Variants in TTN observed in about 807,000 individuals in gnomAD.
TTN encodes the protein titin.
In TTN, 1,525 loss-of-function variants were observed where a neutral mutation model predicts 3,223.0. That is an observed-to-expected ratio of 0.47 (90% CI 0.45 to 0.49). The LOEUF is 0.49. TTN is among the 20% of genes least tolerant of loss of function. The pLI, the probability that TTN is intolerant of heterozygous loss-of-function variation, is 0.00. For missense variants in TTN, 40,786 were observed against 43,424.0 expected, an observed-to-expected ratio of 0.94 and a Z score of 5.40; for synonymous variants, 14,094 against 15,161.0, an observed-to-expected ratio of 0.93 and a Z score of 5.17.
At position 178,571,938 on chromosome 2, in the gene TTN, C is replaced by G. The variant is rs754089001; in HGVS notation, c.74194G>C (p.Asp24732His). 1 of 1,613,088 alleles carries G rather than the reference C, an allele frequency of 6.2e-7. No homozygotes were observed. Among genetic ancestry groups the G allele is most frequent in the Non-Finnish European group, 8.5e-7 (1 of 1,179,508 alleles). Residue 24732 changes from aspartate to histidine, a missense_variant, in exon 326 of 363, where the codon GAC (aspartate) becomes CAC (histidine). Physicochemically the swap from Asp to His is moderately conservative, Grantham distance 81. Transcript: ENST00000589042. ...ATGAATGGAACATCAACTTTTAGGTCTTCACCTGCCAGTACAGTGAAAGTA... is the reference window on the plus strand; with the variant it reads ...ATGAATGGAACATCAACTTTTAGGTGTTCACCTGCCAGTACAGTGAAAGTA... ...FNTFTVLAGE[D>H]LKVDVPFIGR...
chr2:178,543,957 T>C lies in TTN; in HGVS notation c.96187A>G (p.Thr32063Ala). 1 of 1,613,738 alleles carries C rather than the reference T, an allele frequency of 6.2e-7. No homozygotes were observed. Among genetic ancestry groups the C allele is most frequent in the East Asian group, 2.2e-5 (1 of 44,860 alleles). The stretch of plus-strand genomic sequence containing the variant: ...ATTAGCAATGAGTAGCTCTCAGTGG[T>C]GTCAATAATTGCCCGGCTTGCAAGG... ...IDLASRAIID[T>A]TESYSLLIVD... Residue 32063 changes from threonine (T) to alanine (A), a missense_variant, in exon 346 of 363, where the codon ACC (threonine) becomes GCC (alanine). Coordinates refer to ENST00000589042, the MANE Select transcript of TTN (RefSeq NM_001267550.2).
rs1376559145 is a variant in TTN, at chr2:178,614,067, C to T, written c.49330G>A (p.Ala16444Thr). ...AGAAACTTACCAAACTGATATTTGG[C>T]TGTTATTGGAGAGGCCTGAACTGGT... The part of the protein sequence containing the change: ...GEPVQASPIT[A>T]KYQFDPPGPP... Residue 16444 changes from alanine to threonine, a missense_variant, in exon 262 of 363, where the codon GCC (alanine) becomes ACC (threonine). Ala to Thr is a moderately conservative substitution (Grantham distance 58). Transcript: ENST00000589042. 1 of 1,611,692 alleles carries T rather than the reference C, an allele frequency of 6.2e-7. No individual in the cohort carries two copies. Among genetic ancestry groups the T allele is most frequent in the Non-Finnish European group, 8.5e-7 (1 of 1,179,054 alleles).
chr2:178,711,423 C>T (rs564802051), intron 96 of TTN, 74 bp from the exon 97 acceptor site: 73 of 1,387,790 alleles, frequency 5.3e-5, no homozygotes, highest in African/African-American at 4.5e-4. Flanking sequence ...TATATACAAA[C>T]GCACGTATAT....
In TTN at chr2:178,650,756, G is replaced by A. The variant is rs72650066; in HGVS notation, c.39704C>T (p.Pro13235Leu). The A allele has an allele frequency of 1.5e-5, 24 of 1,602,476 alleles. No individual in the cohort carries two copies. In the East Asian group the frequency reaches 3.4e-4, roughly 23 times the overall value. ...PVPERAESPP[P>L]EVYEEPEEIA... ...ATCACCGGTCTCACGTGTACCTTCT[G>A]GGGGAGGAGACTCCGCTCTTTCTGG... Residue 13235 changes from proline to leucine, a missense_variant, in exon 209 of 363, where the codon CCA (proline) becomes CTA (leucine). Transcript: ENST00000589042.
At position 178,557,764 on chromosome 2, in the gene TTN, A is replaced by C; in HGVS notation, c.87590T>G (p.Met29197Arg). Reference protein sequence around the residue: ...EVSATVARTMMKVMKLTTGEE... With the variant: ...EVSATVARTMRKVMKLTTGEE... ...TCCTGTGGTCAGTTTCATGACTTTC[A>C]TCATGGTTCTTGCAACTGTTGCAGA... is the stretch of plus-strand genomic sequence containing the variant. Residue 29197 changes from methionine to arginine, a missense_variant, in exon 328 of 363, where the codon ATG becomes AGG. Transcript: ENST00000589042. The C allele has an allele frequency of 6.2e-7, 1 of 1,613,858 alleles. No individual in the cohort carries two copies. The highest frequency in any genetic ancestry group is 8.5e-7 in the Non-Finnish European group (1 of 1,179,834).
At chr2:178,800,037 G>T in intron 4 of TTN, 127 bp from the exon 5 acceptor site, 1 of 1,067,002 alleles carries the variant, frequency 9.4e-7, no homozygotes, top group Non-Finnish European at 1.4e-6. Flanking sequence ...ATTGCAGAAA[G>T]TTTTGGATTT....
chr2:178,546,197 A>G lies in TTN; in HGVS notation c.95119+15T>C, dbSNP rs1697038546. 3 of 1,600,304 alleles carry G rather than the reference A, an allele frequency of 1.9e-6. No individual in the cohort carries two copies. Among genetic ancestry groups the G allele is most frequent in the Non-Finnish European group, 2.6e-6 (3 of 1,172,104 alleles). On this transcript the variant is annotated intron_variant, in intron 342 of 362. Transcript: ENST00000589042. ...GAAAATGCTATATAAATGTGAGAAC[A>G]TTTGACATGCTTACCAAGCACTTTG...
chr2:178,715,185 C>CT lies in TTN; in HGVS notation c.26000dup (p.Thr8669HisfsTer10). 1 of 1,613,700 alleles carries CT rather than the reference C, an allele frequency of 6.2e-7. No homozygotes were observed. Among genetic ancestry groups the CT allele is most frequent in the South Asian group, 1.1e-5 (1 of 91,062 alleles). On this transcript the variant is annotated frameshift_variant, in exon 90 of 363. Coordinates refer to ENST00000589042, the MANE Select transcript of TTN (RefSeq NM_001267550.2). LOFTEE classifies it high-confidence loss of function. ...AAGAAACGTGAAATGGGGGAGTGCC[C>CT]TGAAGCTCACATTCAAGGTGAACAT... is the stretch of plus-strand genomic sequence containing the variant.
Position 178,665,419 on chromosome 2 carries a change from A to G in TTN, c.36001T>C (p.Phe12001Leu), listed in dbSNP as rs906509905. 6.2e-7 allele frequency: 1 copy of G among 1,612,444 alleles called. No individual in the cohort carries two copies. Among genetic ancestry groups the G allele is most frequent in the East Asian group, 2.2e-5 (1 of 44,844 alleles). The change falls in exon 165 of 363, where the codon TTT becomes CTT. Residue 12001 changes from phenylalanine to leucine, a missense_variant. Transcript: ENST00000589042. ...MKEVVPEMKI[F>L]EDVPEEPETP... Reference sequence around the variant, plus strand: ...TCTGGCTCTTCAGGTACATCCTCAAATATTTTCATTTCAGGGACAACTTCT... The same window carrying G: ...TCTGGCTCTTCAGGTACATCCTCAAGTATTTTCATTTCAGGGACAACTTCT...
At chr2:178,641,131 A>C in intron 220 of TTN, 110 bp downstream of exon 220, 1 of 715,798 alleles carries the variant, frequency 1.4e-6, no homozygotes. Flanking sequence ...CACAGATGAA[A>C]TATGAAGCCA....
Position 178,540,335 on chromosome 2 carries a change from C to G in TTN, c.97831G>C (p.Asp32611His). ...AGGGAGACTGATGTCCTTGTTGTAT[C>G]AGTAACTCTTGGGTTTTGTGGCTTT... ...PGKPQNPRVTDTTRTSVSLAW... is the reference protein window; with the variant it reads ...PGKPQNPRVTHTTRTSVSLAW... The change falls in exon 351 of 363, where the codon GAT becomes CAT. Residue 32611 changes from aspartate (D) to histidine (H), a missense_variant. By Grantham distance (81) the Asp-to-His change is moderately conservative. Coordinates refer to ENST00000589042, the MANE Select transcript of TTN (RefSeq NM_001267550.2). The G allele has an allele frequency of 1.2e-6, 2 of 1,613,536 alleles. No individual in the cohort carries two copies. The highest frequency in any genetic ancestry group is 4.5e-5 in the East Asian group (2 of 44,870).
rs910116004 is a variant in TTN, at chr2:178,567,884, T to C, written c.78248A>G (p.Tyr26083Cys). The C allele has an allele frequency of 3.7e-6, 6 of 1,613,460 alleles. No individual in the cohort carries two copies. In the African/African-American group the frequency reaches 8.0e-5, roughly 22 times the overall value. ...TGGGTCACAGGGATCTCTGGCTACA[T>C]AGCATTCAGAATTCTTGCTTGCTTT... ...VGKASKNSEC[Y>C]VARDPCDPPG... Residue 26083 changes from tyrosine (Y) to cysteine (C), a missense_variant, in exon 326 of 363, where the codon TAT becomes TGT. Physicochemically the swap from Tyr to Cys is radical, Grantham distance 194. Coordinates refer to ENST00000589042, the MANE Select transcript of TTN (RefSeq NM_001267550.2).
Position 178,578,835 on chromosome 2 carries a change from G to A in TTN, c.68195C>T (p.Ser22732Leu), listed in dbSNP as rs727505352. The A allele has an allele frequency of 3.6e-5, 58 of 1,611,444 alleles. No individual in the cohort carries two copies. The Admixed American group carries it at 6.2e-4, about 17-fold the overall frequency. ...TGGATGTCTCGCAACAATTGGCTCCGATTTCAGGCCTTCCCCTACACCATA... is the reference window on the plus strand; with the variant it reads ...TGGATGTCTCGCAACAATTGGCTCCAATTTCAGGCCTTCCCCTACACCATA... ...NKYGVGEGLK[S>L]EPIVARHPFD... The change falls in exon 320 of 363, where the codon TCG (serine) becomes TTG (leucine). Residue 22732 changes from serine to leucine, a missense_variant. Ser to Leu is a moderately radical substitution (Grantham distance 145, BLOSUM62 -2). Transcript: ENST00000589042.
At position 178,595,693 on chromosome 2, in the gene TTN, T is replaced by C; in HGVS notation, c.57661A>G (p.Ile19221Val). Residue 19221 changes from isoleucine to valine, a missense_variant, in exon 295 of 363, where the codon ATT becomes GTT. Ile to Val is a conservative substitution (Grantham distance 29). Transcript: ENST00000589042. ...DGGSPITNYV[I>V]EKRESDRRAW... is the part of the protein sequence containing the mutation. ...CTGCGGTCAGATTCACGCTTTTCAA[T>C]GACATAATTGGTGATTGGAGAGCCT... The C allele has an allele frequency of 6.2e-7, 1 of 1,608,914 alleles. No homozygotes were observed. The highest frequency in any genetic ancestry group is 1.1e-5 in the South Asian group (1 of 89,766).
At chr2:178,710,107 G>C (rs1223771820) in intron 98 of TTN, among the ~76,000 whole-genome samples, 1 of 152,160 alleles carries the variant, frequency 6.6e-6, no homozygotes, top group Admixed American at 6.6e-5. Context: ...TTTGTAAAAA[G>C]AAGGGGTAGT....
chr2:178,744,600 T>A, intron 47 of TTN: 1 of 927,140 alleles, frequency 1.1e-6, no homozygotes, highest in East Asian at 1.2e-4. Context: ...TGAAATTCAG[T>A]GAAACTGATA....
rs1560755880 is a variant in TTN, at chr2:178,728,197, GATT to G, written c.19624_19626del (p.Asn6542del). ...TAATTTGCAGTATCTTCTAATTCCA[GATT>G]ATTAACTTCCAGAGACACAGATCTC... is the stretch of plus-strand genomic sequence containing the variant. On this transcript the variant is annotated inframe_deletion, in exon 67 of 363. Transcript: ENST00000589042. 1 of 1,612,746 alleles carries G rather than the reference GATT, an allele frequency of 6.2e-7. No homozygotes were observed. Among genetic ancestry groups the G allele is most frequent in the Admixed American group, 1.7e-5 (1 of 59,886 alleles).
intron 47 of TTN, chr2:178,751,198 A>G: frequency 6.2e-7 from 1 of 1,610,390 alleles, no homozygotes. Context: ...CACTAGCTTC[A>G]CTTCTCAAAG....
intron 147 of TTN, 94 bp from the exon 148 acceptor site, chr2:178,676,089 A>G (rs1331730261): frequency 8.5e-7 from 1 of 1,181,232 alleles, no homozygotes; most frequent in Non-Finnish European, 1.2e-6. Flanking sequence ...CAATGTGTTA[A>G]CAGTCGCTCA....
Sources: allele counts gnomAD v4.1 joint callset (sites outside exome capture counted in the v4.1 genomes callset), GRCh38; gene constraint gnomAD v4.1.1; transcripts MANE v1.5; gene names NCBI Gene and HGNC (gene_info 2026-07-23, HGNC 2026-07-21).